The following NTNG1 variants were observed in gnomAD, a reference collection of about 807,000 sequenced individuals.
NTNG1 encodes the protein netrin G1.
Under a neutral mutation model 54.0 loss-of-function variants are expected in NTNG1, and 16 were observed. The observed-to-expected ratio is 0.30, with a 90% CI of 0.20 to 0.45. The LOEUF is 0.45. Among genes scored for constraint, NTNG1 ranks in the 20% least tolerant of loss-of-function variants. The probability of loss-of-function intolerance (pLI) is 1.00; values close to 1 mark genes in which losing one functional copy is unlikely to be tolerated. For missense variants in NTNG1, 530 were observed against 678.7 expected, an observed-to-expected ratio of 0.78 and a Z score of 2.43; for synonymous variants, 255 against 263.1, an observed-to-expected ratio of 0.97 and a Z score of 0.30.
chr1:107,240,153 CT>C (rs1274742086), intron 2 of NTNG1, among the ~76,000 whole-genome samples: 1 of 151,748 alleles, frequency 6.6e-6, no homozygotes, highest in African/African-American at 2.4e-5. Flanking sequence ...TACAAAATTG[CT>C]TTTTTTTAAA....
intron 7 of NTNG1, among the ~76,000 whole-genome samples, chr1:107,442,397 C>A (rs1047114751): frequency 1.3e-5 from 2 of 151,894 alleles, no homozygotes; most frequent in African/African-American, 4.8e-5. Context: ...ATAAATTGTT[C>A]CCAATAGACT....
intron 2 of NTNG1, among the ~76,000 whole-genome samples, chr1:107,319,234 G>A (rs1262193014): frequency 6.6e-6 from 1 of 152,112 alleles, no homozygotes. Flanking sequence ...AGCCAAGCAA[G>A]AATTTGGGAG....
chr1:107,435,179 A>C (rs921006600), intron 6 of NTNG1, among the ~76,000 whole-genome samples: 12 of 150,816 alleles, frequency 8.0e-5, no homozygotes, highest in African/African-American at 2.9e-4. Context: ...TTAAACAGTA[A>C]AAAAAAAAAT....
At chr1:107,181,682 C>T (rs1374051178) in intron 2 of NTNG1, among the ~76,000 whole-genome samples, 2 of 152,106 alleles carry the variant, frequency 1.3e-5, no homozygotes, top group African/African-American at 4.8e-5. Flanking sequence ...TCAGCTCCCT[C>T]CCTTGCTGTA....
chr1:107,457,533 G>A (rs555673753), intron 7 of NTNG1, among the ~76,000 whole-genome samples: 1 of 152,146 alleles, frequency 6.6e-6, no homozygotes, highest in Non-Finnish European at 1.5e-5. Context: ...ACATATATGT[G>A]TCTATCCAAT....
chr1:107,413,924 A>G, intron 5 of NTNG1, among the ~76,000 whole-genome samples: 1 of 152,170 alleles, frequency 6.6e-6, no homozygotes, highest in African/African-American at 2.4e-5. Flanking sequence ...GTAAACAATA[A>G]TAGAAAAAAA....
At chr1:107,319,852 G>A (rs1422884212) in intron 2 of NTNG1, among the ~76,000 whole-genome samples, 3 of 128,568 alleles carry the variant, frequency 2.3e-5, no homozygotes, top group Non-Finnish European at 3.4e-5. Flanking sequence ...CATTAATATC[G>A]CTTACCTGAG....
intron 2 of NTNG1, among the ~76,000 whole-genome samples, chr1:107,218,779 A>T (rs1660140006): frequency 6.6e-6 from 1 of 152,052 alleles, no homozygotes; most frequent in Admixed American, 6.5e-5. Context: ...TGAATATAGG[A>T]CCCCAGTCCC....
intron 3 of NTNG1, among the ~76,000 whole-genome samples, chr1:107,390,048 C>T (rs1168164361): frequency 2.0e-5 from 3 of 152,076 alleles, no homozygotes; most frequent in Non-Finnish European, 2.9e-5. Context: ...TTTTTTCTGG[C>T]AAGGGCTCTA....
chr1:107,455,720 C>T (rs556559659), intron 7 of NTNG1: 2 of 388,560 alleles, frequency 5.1e-6, no homozygotes, highest in Non-Finnish European at 5.7e-6. Flanking sequence ...CGCGGATGAG[C>T]CTTTTACTGT....
intron 2 of NTNG1, among the ~76,000 whole-genome samples, chr1:107,319,356 C>T (rs1472252459): frequency 6.6e-6 from 1 of 152,124 alleles, no homozygotes; most frequent in Non-Finnish European, 1.5e-5. Flanking sequence ...AGTCACTAGC[C>T]TCCCAGAAGC....
chr1:107,144,695 G>A (rs1246146310), intron 1 of NTNG1, among the ~76,000 whole-genome samples: 1 of 152,000 alleles, frequency 6.6e-6, no homozygotes, highest in African/African-American at 2.4e-5. Context: ...TGTGTGCAAA[G>A]GCATTTTATA....
At chr1:107,421,956 C>CA (rs1458930075) in intron 5 of NTNG1, among the ~76,000 whole-genome samples, 2 of 151,912 alleles carry the variant, frequency 1.3e-5, no homozygotes, top group African/African-American at 4.8e-5. Flanking sequence ...TTAGTTTGAC[C>CA]CATTTGGTGA....
rs11370557 is a variant in NTNG1 at position 107,419,623 on chromosome 1, C to CAA, written c.1088-11114_1088-11113dup. On this transcript the variant is annotated intron_variant, in intron 5 of 7. Transcript: ENST00000370068. ...GTATTATTTTGCCTTCTTCCTTCTT[C>CAA]AAAAAAAAAAAAAAGGCACATCTTT... is the stretch of plus-strand genomic sequence containing the variant. Among the ~76,000 whole-genome samples, 948 of 139,336 alleles carry CAA rather than the reference C, an allele frequency of 6.8e-3. 15 individuals are homozygous for CAA. Among genetic ancestry groups the CAA allele is most frequent in the African/African-American group, 0.022 (828 of 37,608 alleles). The allele number at this position is 139,336 out of a possible 152,430, so 91.4% of individuals were successfully genotyped here. A position where few individuals can be genotyped will look rare whatever the true frequency, so the allele number is the denominator to read the frequency against.
At chr1:107,470,141 G>C (rs1677886506) in intron 7 of NTNG1, among the ~76,000 whole-genome samples, 1 of 152,146 alleles carries the variant, frequency 6.6e-6, no homozygotes, top group African/African-American at 2.4e-5. Flanking sequence ...ATGGTTATGG[G>C]ATTGTGTAGA....
At chr1:107,199,208 A>T (rs951618854) in intron 2 of NTNG1, among the ~76,000 whole-genome samples, 1 of 151,698 alleles carries the variant, frequency 6.6e-6, no homozygotes, top group Non-Finnish European at 1.5e-5. Flanking sequence ...ACCTTCAGTT[A>T]TCTCCCCAGT....
intron 7 of NTNG1, among the ~76,000 whole-genome samples, chr1:107,452,321 T>C (rs1676677967): frequency 1.3e-5 from 2 of 152,182 alleles, no homozygotes. Flanking sequence ...TACAGAGTAT[T>C]TGACAAAGCA....
chr1:107,451,241 G>A (rs942863731), intron 7 of NTNG1, among the ~76,000 whole-genome samples: 2 of 151,568 alleles, frequency 1.3e-5, no homozygotes, highest in African/African-American at 2.4e-5. Flanking sequence ...GACTAACATT[G>A]AGACTCTAAC....
intron 2 of NTNG1, among the ~76,000 whole-genome samples, chr1:107,272,466 G>T (rs1347461866): frequency 1.3e-5 from 2 of 152,118 alleles, no homozygotes; most frequent in Non-Finnish European, 2.9e-5. Flanking sequence ...ATCTTAGAAA[G>T]AATTCCACTG....
Sources: allele counts gnomAD v4.1 joint callset (sites outside exome capture counted in the v4.1 genomes callset), GRCh38; gene constraint gnomAD v4.1.1; transcripts MANE v1.5; gene names NCBI Gene and HGNC (gene_info 2026-07-23, HGNC 2026-07-21).